The following GRM5 variants were observed in gnomAD, a reference collection of about 807,000 sequenced individuals.
GRM5 encodes glutamate metabotropic receptor 5.
GRM5 carries 19 observed loss-of-function variants against 83.1 expected under a neutral mutation model. That is an observed-to-expected ratio of 0.23 (90% CI 0.16 to 0.34). The LOEUF (loss-of-function observed/expected upper bound fraction) is 0.34. Ranked by LOEUF, GRM5 falls within the 10% of genes least tolerant of loss-of-function variation. The pLI is 1.00. For synonymous variants in GRM5, 675 were observed against 633.6 expected (o/e 1.07, Z -0.98); for missense variants, 1,160 against 1,588.3 (o/e 0.73, Z 4.58).
intron 2 of GRM5, among the ~76,000 whole-genome samples, chr11:88,987,432 G>C (rs1178128275): frequency 2.6e-5 from 4 of 151,898 alleles, no homozygotes; most frequent in African/African-American, 9.7e-5. Context: ...GAGGTTGGGG[G>C]AGGGGCGCCC....
intron 2 of GRM5, among the ~76,000 whole-genome samples, chr11:88,894,572 A>C (rs1190890357): frequency 1.3e-5 from 2 of 152,014 alleles, no homozygotes; most frequent in African/African-American, 4.8e-5. Flanking sequence ...CCCAGGCACT[A>C]ATCTTCAGAA....
chr11:88,741,694 A>G (rs543506269), intron 3 of GRM5, among the ~76,000 whole-genome samples: 8 of 151,884 alleles, frequency 5.3e-5, no homozygotes, highest in Non-Finnish European at 1.2e-4. Flanking sequence ...TATGCAAGAC[A>G]TAATCTATAC....
intron 2 of GRM5, among the ~76,000 whole-genome samples, chr11:89,017,886 A>G (rs943845504): frequency 6.6e-6 from 1 of 152,174 alleles, no homozygotes; most frequent in African/African-American, 2.4e-5. Flanking sequence ...ATAAAAGTCT[A>G]GGTCAATATG....
chr11:88,652,785 G>T (rs72639181), intron 4 of GRM5, among the ~76,000 whole-genome samples: 3,157 of 152,096 alleles, frequency 0.021, 91 homozygotes, highest in East Asian at 0.12. Flanking sequence ...ATATGAAACC[G>T]TTACTATGTG....
At chr11:88,530,072 G>A (rs758419628) in intron 8 of GRM5, among the ~76,000 whole-genome samples, 13 of 152,008 alleles carry the variant, frequency 8.6e-5, no homozygotes, top group African/African-American at 1.9e-4. Context: ...CAAATACAAT[G>A]AGAATGGTTG....
intron 2 of GRM5, among the ~76,000 whole-genome samples, chr11:89,029,321 T>G (rs1941206222): frequency 1.3e-5 from 2 of 152,184 alleles, no homozygotes; most frequent in Non-Finnish European, 2.9e-5. Flanking sequence ...CAGTATAATA[T>G]TTGAAGGAAT....
intron 7 of GRM5, among the ~76,000 whole-genome samples, chr11:88,576,015 A>G (rs1180123051): frequency 2.6e-5 from 4 of 152,230 alleles, no homozygotes; most frequent in Non-Finnish European, 5.9e-5. Flanking sequence ...ACTGCAGAGT[A>G]CTAAAGGGAA....
At chr11:88,724,013 C>A (rs1053172986) in intron 3 of GRM5, among the ~76,000 whole-genome samples, 1 of 151,998 alleles carries the variant, frequency 6.6e-6, no homozygotes, top group African/African-American at 2.4e-5. Context: ...ACTGAGAATG[C>A]CCTTTTAAAA....
intron 8 of GRM5, among the ~76,000 whole-genome samples, chr11:88,551,210 C>A (rs761022010): frequency 7.2e-5 from 11 of 152,118 alleles, no homozygotes; most frequent in Non-Finnish European, 1.6e-4. Flanking sequence ...ATCATAAATG[C>A]TCATTGAAGT....
intron 2 of GRM5, among the ~76,000 whole-genome samples, chr11:88,895,038 C>T (rs1244141944): frequency 6.6e-6 from 1 of 151,888 alleles, no homozygotes; most frequent in Non-Finnish European, 1.5e-5. Context: ...GAGTAGACAA[C>T]AGTGGTAACT....
At chr11:89,012,761 G>T (rs1940739743) in intron 2 of GRM5, among the ~76,000 whole-genome samples, 1 of 152,186 alleles carries the variant, frequency 6.6e-6, no homozygotes, top group Non-Finnish European at 1.5e-5. Context: ...CACCATGTCA[G>T]CATTCCAGCC....
chr11:88,942,969 TC>T (rs1938163368), intron 2 of GRM5, among the ~76,000 whole-genome samples: 1 of 152,010 alleles, frequency 6.6e-6, no homozygotes, highest in Non-Finnish European at 1.5e-5. Context: ...CTTCAATTGT[TC>T]CCCCAATATG....
At chr11:88,950,031 A>ATTTTTTT (rs58554674) in intron 2 of GRM5, among the ~76,000 whole-genome samples, 1 of 139,578 alleles carries the variant, frequency 7.2e-6, no homozygotes, top group Non-Finnish European at 1.6e-5. Flanking sequence ...AGCCTGGCTA[A>ATTTTTTT]TTTTTTTTTT....
chr11:88,604,615 A>G (rs970123989), intron 5 of GRM5, 103 bp downstream of exon 5: 4 of 950,962 alleles, frequency 4.2e-6, no homozygotes, highest in Admixed American at 4.4e-5. Context: ...AAACATTACC[A>G]GGAAACCTAG....
intron 3 of GRM5, among the ~76,000 whole-genome samples, chr11:88,705,424 G>T (rs556378262): frequency 6.6e-6 from 1 of 152,108 alleles, no homozygotes; most frequent in South Asian, 2.1e-4. Context: ...ACCTCTAAAT[G>T]TATCTTTTAA....
At chr11:88,866,164 C>T (rs1944660213) in intron 2 of GRM5, among the ~76,000 whole-genome samples, 1 of 152,034 alleles carries the variant, frequency 6.6e-6, no homozygotes. Context: ...AAATGTCCAT[C>T]AGTGATAGAC....
At chr11:88,916,441 G>A (rs974018851) in intron 2 of GRM5, among the ~76,000 whole-genome samples, 1 of 152,066 alleles carries the variant, frequency 6.6e-6, no homozygotes, top group Non-Finnish European at 1.5e-5. Context: ...GCAGAATTCA[G>A]CCAGCCTCCA....
chr11:88,807,874 C>A (rs1209691485), intron 3 of GRM5, among the ~76,000 whole-genome samples: 1 of 151,974 alleles, frequency 6.6e-6, no homozygotes, highest in South Asian at 2.1e-4. Context: ...TAACAAGCTG[C>A]TTCTCATTTG....
At chr11:88,645,034 T>C (rs2135292250) in intron 4 of GRM5, among the ~76,000 whole-genome samples, 1 of 152,214 alleles carries the variant, frequency 6.6e-6, no homozygotes, top group Middle Eastern at 3.4e-3. Flanking sequence ...GGTACATGAA[T>C]TGTTAAGATA....
Sources: gnomAD v4.1 joint callset for allele counts (sites outside exome capture counted in the v4.1 genomes callset) on GRCh38, gnomAD v4.1.1 for gene constraint, MANE v1.5 for transcripts, NCBI Gene and HGNC (gene_info 2026-07-23, HGNC 2026-07-21) for gene names.